The following C14orf39 variants were observed in gnomAD, a reference collection of about 807,000 sequenced individuals.
The protein encoded by C14orf39 is protein SIX6OS1.
C14orf39 carries 66 observed loss-of-function variants against 85.6 expected under a neutral mutation model. The ratio of observed to expected loss-of-function variants is 0.77; its 90% CI spans 0.63 to 0.95. C14orf39 has a LOEUF of 0.95. C14orf39 is among the 40% of genes least tolerant of loss of function. The pLI is 0.00. For missense variants in C14orf39, 735 were observed against 663.9 expected, an observed-to-expected ratio of 1.11 and a Z score of -1.18; for synonymous variants, 242 against 214.0, an observed-to-expected ratio of 1.13 and a Z score of -1.14.
chr14:60,490,453 GAATAAATAAATA>G (rs1208619134), upstream of C14orf39, among the ~76,000 whole-genome samples: 3 of 12,858 alleles, frequency 2.3e-4, no homozygotes, highest in African/African-American at 3.0e-4. Context: ...ATAAATAAAT[GAATAAATAAATA>G]AATAAATAAA....
At chr14:60,509,860 C>T (rs1206800098) in intron 1 of C14orf39, 2 of 1,613,688 alleles carry the variant, frequency 1.2e-6, no homozygotes, top group Non-Finnish European at 1.7e-6. Flanking sequence ...CATACCCTAA[C>T]CCCAGCAAAA....
intron 10 of C14orf39, among the ~76,000 whole-genome samples, chr14:60,466,469 A>G (rs1462082598): frequency 1.3e-5 from 2 of 151,922 alleles, no homozygotes; most frequent in Non-Finnish European, 2.9e-5. Flanking sequence ...ACGCAATGGC[A>G]AAAACCATGA....
chr14:60,459,140 CAT>C (rs1479821250), intron 13 of C14orf39, among the ~76,000 whole-genome samples: 4 of 151,602 alleles, frequency 2.6e-5, no homozygotes, highest in African/African-American at 4.8e-5. Context: ...AATAAAATAA[CAT>C]ATGTATGCTC....
intron 4 of C14orf39, among the ~76,000 whole-genome samples, chr14:60,483,482 G>T (rs1488033306): frequency 6.6e-6 from 1 of 152,120 alleles, no homozygotes; most frequent in Non-Finnish European, 1.5e-5. Flanking sequence ...AGATTAAGTG[G>T]ATCTGAATTA....
At chr14:60,505,942 C>A (rs750064889) in intron 1 of C14orf39, among the ~76,000 whole-genome samples, 3 of 152,188 alleles carry the variant, frequency 2.0e-5, no homozygotes, top group Non-Finnish European at 2.9e-5. Flanking sequence ...AAGTCCCACA[C>A]TGAACTCCAG....
At chr14:60,509,166 T>C (rs1893249342) in intron 1 of C14orf39, 2 of 563,306 alleles carry the variant, frequency 3.6e-6, no homozygotes, top group Admixed American at 3.1e-5. Context: ...CCAGCTCGCC[T>C]GCCGGCGTGC....
intron 15 of C14orf39, among the ~76,000 whole-genome samples, chr14:60,455,926 CACTTA>C (rs1483624735): frequency 6.6e-6 from 1 of 152,070 alleles, no homozygotes; most frequent in Non-Finnish European, 1.5e-5. Context: ...ATAAATGAGT[CACTTA>C]ACTTTACAGA....
intron 1 of C14orf39, chr14:60,509,613 A>G: frequency 1.2e-6 from 2 of 1,613,732 alleles, no homozygotes; most frequent in South Asian, 1.1e-5. Flanking sequence ...GAGCTCTATC[A>G]TATCCTGGAA....
intron 2 of C14orf39, among the ~76,000 whole-genome samples, chr14:60,492,621 A>G (rs905236533): frequency 3.3e-5 from 5 of 151,550 alleles, no homozygotes; most frequent in Admixed American, 2.6e-4. Context: ...AAAAATAATA[A>G]TAAAATAAAA....
intron 1 of C14orf39, among the ~76,000 whole-genome samples, chr14:60,500,953 C>T (rs1281373901): frequency 6.6e-6 from 1 of 151,812 alleles, no homozygotes; most frequent in Non-Finnish European, 1.5e-5. Flanking sequence ...GCACAAATAG[C>T]AACAAATGAA....
intron 5 of C14orf39, among the ~76,000 whole-genome samples, chr14:60,476,158 C>A (rs1028164374): frequency 6.6e-6 from 1 of 152,150 alleles, no homozygotes; most frequent in Non-Finnish European, 1.5e-5. Context: ...TAATTAAGAC[C>A]CACTTACTAT....
chr14:60,485,688 G>A (rs888285211), intron 1 of C14orf39, among the ~76,000 whole-genome samples: 1 of 152,048 alleles, frequency 6.6e-6, no homozygotes, highest in Admixed American at 6.5e-5. Context: ...TGCGCCTCCC[G>A]CAGTGGGAGT....
At chr14:60,475,478 T>C (rs1258542737) in intron 5 of C14orf39, among the ~76,000 whole-genome samples, 1 of 152,186 alleles carries the variant, frequency 6.6e-6, no homozygotes, top group Admixed American at 6.5e-5. Flanking sequence ...CCATGAACTA[T>C]GAATGATTTT....
intron 16 of C14orf39, among the ~76,000 whole-genome samples, chr14:60,444,240 AC>A (rs1475042276): frequency 6.6e-6 from 1 of 152,072 alleles, no homozygotes; most frequent in Non-Finnish European, 1.5e-5. Flanking sequence ...GTCGGTAATA[AC>A]AAACTTCTAC....
intron 1 of C14orf39, chr14:60,509,827 A>G: frequency 6.2e-7 from 1 of 1,613,946 alleles, no homozygotes; most frequent in Middle Eastern, 1.6e-4. Context: ...GGCACCTGCT[A>G]CGCGAGTGGT....
intron 1 of C14orf39, chr14:60,511,327 A>G: frequency 2.7e-6 from 4 of 1,506,832 alleles, no homozygotes; most frequent in East Asian, 2.3e-5. Context: ...GGGGAAGAAG[A>G]TGAGAGACCT....
At chr14:60,446,080 T>A (rs966347706) in intron 16 of C14orf39, among the ~76,000 whole-genome samples, 6 of 152,180 alleles carry the variant, frequency 3.9e-5, no homozygotes, top group African/African-American at 1.2e-4. Flanking sequence ...GAGGGAAATT[T>A]ATAGTACTAA....
intron 5 of C14orf39, among the ~76,000 whole-genome samples, chr14:60,475,351 C>T (rs1011459062): frequency 3.3e-5 from 5 of 151,658 alleles, no homozygotes; most frequent in African/African-American, 9.7e-5. Flanking sequence ...CCGGCTCCTA[C>T]ACAAAAAACC....
chr14:60,510,322 C>T (rs1428547193), intron 1 of C14orf39, among the ~76,000 whole-genome samples: 1 of 152,248 alleles, frequency 6.6e-6, no homozygotes, highest in Non-Finnish European at 1.5e-5. Context: ...TGGGCACAGG[C>T]TCCTACTATT....
Sources: gnomAD v4.1 joint callset for allele counts (sites outside exome capture counted in the v4.1 genomes callset) on GRCh38, gnomAD v4.1.1 for gene constraint, MANE v1.5 for transcripts, NCBI Gene and HGNC (gene_info 2026-07-23, HGNC 2026-07-21) for gene names.